The following ROBO2 variants were observed in gnomAD, a reference collection of about 807,000 sequenced individuals.
ROBO2 encodes roundabout homolog 2.
ROBO2 carries 53 observed loss-of-function variants against 160.8 expected under a neutral mutation model. That is an observed-to-expected ratio of 0.33 (90% CI 0.26 to 0.41). The LOEUF (loss-of-function observed/expected upper bound fraction) is 0.41. Ranked by LOEUF, ROBO2 falls within the 10% of genes least tolerant of loss-of-function variation. The pLI, the probability that ROBO2 is intolerant of heterozygous loss-of-function variation, is 1.00. For synonymous variants in ROBO2, 664 were observed against 611.7 expected, an observed-to-expected ratio of 1.09 and a Z score of -1.26; for missense variants, 1,577 against 1,722.4, an observed-to-expected ratio of 0.92 and a Z score of 1.49.
intron 2 of ROBO2, among the ~76,000 whole-genome samples, chr3:76,364,957 T>C (rs550122322): frequency 2.0e-5 from 3 of 152,116 alleles, no homozygotes; most frequent in Non-Finnish European, 4.4e-5. Flanking sequence ...GATTTATCTT[T>C]GCCCCCAACT....
At chr3:77,625,656 G>A (rs1041452236) in intron 23 of ROBO2, among the ~76,000 whole-genome samples, 12 of 152,114 alleles carry the variant, frequency 7.9e-5, no homozygotes, top group Non-Finnish European at 1.8e-4. Context: ...GATTACAGGC[G>A]TGAGCCACTG....
intron 2 of ROBO2, among the ~76,000 whole-genome samples, chr3:77,378,511 C>A (rs1255116584): frequency 2.0e-5 from 3 of 152,114 alleles, no homozygotes; most frequent in African/African-American, 4.8e-5. Flanking sequence ...TAAATTTATG[C>A]GACTTCTCAG....
chr3:76,983,243 C>T (rs186673044), intron 2 of ROBO2, among the ~76,000 whole-genome samples: 118 of 152,070 alleles, frequency 7.8e-4, no homozygotes, highest in African/African-American at 2.3e-3. Flanking sequence ...GCCAAGATAG[C>T]GCCACTGCAC....
At chr3:76,545,404 A>G (rs1426245937) in intron 2 of ROBO2, among the ~76,000 whole-genome samples, 1 of 151,934 alleles carries the variant, frequency 6.6e-6, no homozygotes, top group Non-Finnish European at 1.5e-5. Flanking sequence ...AGAGTTTTCC[A>G]TGTTTCTGTC....
intron 2 of ROBO2, among the ~76,000 whole-genome samples, chr3:77,348,868 A>T (rs2067978927): frequency 2.0e-5 from 3 of 152,046 alleles, no homozygotes; most frequent in Non-Finnish European, 4.4e-5. Flanking sequence ...TTACAGATGC[A>T]TCACCTGTTG....
At chr3:76,155,100 G>A (rs1428454109) in intron 2 of ROBO2, among the ~76,000 whole-genome samples, 1 of 152,130 alleles carries the variant, frequency 6.6e-6, no homozygotes, top group African/African-American at 2.4e-5. Flanking sequence ...TACCGAAGAA[G>A]TGTCCCTTTG....
At chr3:76,594,763 C>T (rs1041421525) in intron 2 of ROBO2, among the ~76,000 whole-genome samples, 1 of 151,974 alleles carries the variant, frequency 6.6e-6, no homozygotes, top group South Asian at 2.1e-4. Context: ...CCCAAATTTA[C>T]TTTGAGGTCA....
intron 2 of ROBO2, among the ~76,000 whole-genome samples, chr3:76,643,233 A>C (rs1328339481): frequency 2.3e-4 from 35 of 152,166 alleles, no homozygotes; most frequent in Non-Finnish European, 2.9e-5. Flanking sequence ...AATGTATGTA[A>C]TTATAAGGTT....
intron 2 of ROBO2, among the ~76,000 whole-genome samples, chr3:77,327,983 G>T (rs1407038789): frequency 6.7e-6 from 1 of 150,296 alleles, no homozygotes; most frequent in African/African-American, 2.5e-5. Flanking sequence ...CCTGGGAGAC[G>T]GAGACAGAGG....
chr3:77,309,103 C>G (rs1162079533), intron 2 of ROBO2, among the ~76,000 whole-genome samples: 1 of 146,578 alleles, frequency 6.8e-6, no homozygotes, highest in Non-Finnish European at 1.5e-5. Context: ...TTGTTTTAAT[C>G]CCAAGTAATT....
At chr3:76,030,607 C>T (rs2066889291) in intron 2 of ROBO2, among the ~76,000 whole-genome samples, 1 of 152,180 alleles carries the variant, frequency 6.6e-6, no homozygotes, top group African/African-American at 2.4e-5. Flanking sequence ...TTCCCAGCAA[C>T]ATTTATTAAA....
At chr3:75,938,028 G>A (rs1452470655) in intron 2 of ROBO2, among the ~76,000 whole-genome samples, 1 of 151,438 alleles carries the variant, frequency 6.6e-6, no homozygotes, top group East Asian at 1.9e-4. Flanking sequence ...TTTCTTTAGG[G>A]TTTTTGTGTT....
At position 76,872,764 on chromosome 3, in the gene ROBO2, A is replaced by G. The variant is rs2072250051; in HGVS notation, c.110-225250A>G. ...TTGAATTACATATATTTCTGCTTCTATAAAATAAATATATTTATTATTAAG... is the reference window on the plus strand; with the variant it reads ...TTGAATTACATATATTTCTGCTTCTGTAAAATAAATATATTTATTATTAAG... On this transcript the variant is annotated intron_variant, in intron 2 of 26. Coordinates refer to the ROBO2 transcript ENST00000487694. Among the ~76,000 whole-genome samples, 4 of 152,056 alleles carry G rather than the reference A, an allele frequency of 2.6e-5. No homozygotes were observed. The South Asian group carries it at 6.2e-4, about 24-fold the overall frequency.
At chr3:77,462,053 A>C (rs1422958194) in intron 2 of ROBO2, among the ~76,000 whole-genome samples, 2 of 152,180 alleles carry the variant, frequency 1.3e-5, no homozygotes, top group Admixed American at 6.5e-5. Flanking sequence ...ATAGATTTAT[A>C]CACTCACAAC....
At position 77,634,899 on chromosome 3, in the gene ROBO2, C is replaced by T; in HGVS notation, c.3790C>T (p.Arg1264Ter). ...AGCCTTTACCTCCTCTCAAAGACCT[C>T]GACCTACCAGCCCATTTTCTACTGA... The change falls in exon 24 of 26, where the codon CGA becomes TGA. Residue 1264 changes from arginine to a stop codon, truncating the protein, a stop_gained. Coordinates refer to ENST00000461745, the Ensembl canonical transcript of ROBO2. LOFTEE classifies it high-confidence loss of function. The T allele has an allele frequency of 6.2e-7, 1 of 1,614,100 alleles. No homozygotes were observed. Among genetic ancestry groups the T allele is most frequent in the Non-Finnish European group, 8.5e-7 (1 of 1,179,998 alleles).
chr3:77,477,677 TG>T, intron 3 of ROBO2, 106 bp downstream of exon 3: 3 of 1,174,346 alleles, frequency 2.6e-6, no homozygotes, highest in Non-Finnish European at 3.7e-6. Flanking sequence ...TGTATTTGAA[TG>T]TTAATTACAA....
rs544192649 is a variant in ROBO2, at chr3:77,507,354, G to T, written c.806+13972G>T. Among the ~76,000 whole-genome samples the T allele has an allele frequency of 5.9e-5, 9 of 152,288 alleles. No individual in the cohort carries two copies. The South Asian group carries it at 6.2e-4, about 11-fold the overall frequency. Reference sequence around the variant, plus strand: ...TCTCAGTTTGAACACTGATGAAGGAGACTTCTTAGCATTTTTCCAACAAAG... The same window carrying T: ...TCTCAGTTTGAACACTGATGAAGGATACTTCTTAGCATTTTTCCAACAAAG... On this transcript the variant is annotated intron_variant, in intron 5 of 25. Coordinates refer to ENST00000461745, the Ensembl canonical transcript of ROBO2.
intron 5 of ROBO2, among the ~76,000 whole-genome samples, chr3:77,503,950 T>C (rs893640848): frequency 4.6e-5 from 7 of 152,162 alleles, no homozygotes; most frequent in Admixed American, 2.6e-4. Context: ...GGAGGACAAA[T>C]AGTTTCAAAG....
intron 2 of ROBO2, among the ~76,000 whole-genome samples, chr3:76,116,666 A>G (rs1416994662): frequency 6.6e-6 from 1 of 152,108 alleles, no homozygotes; most frequent in African/African-American, 2.4e-5. Context: ...AGGACTCACA[A>G]ATAATATGCT....
Sources: allele counts gnomAD v4.1 joint callset (sites outside exome capture counted in the v4.1 genomes callset), GRCh38; gene constraint gnomAD v4.1.1; transcripts MANE v1.5; gene names NCBI Gene and HGNC (gene_info 2026-07-23, HGNC 2026-07-21).